The following VDAC1 variants were observed in gnomAD, a reference collection of about 807,000 sequenced individuals.
VDAC1 encodes the protein non-selective voltage-gated ion channel VDAC1.
A neutral mutation model predicts 34.7 loss-of-function variants in VDAC1; 10 were observed. That is an observed-to-expected ratio of 0.29 (90% confidence interval 0.18 to 0.49). The LOEUF (loss-of-function observed/expected upper bound fraction) is 0.49, where lower values mean the gene tolerates loss of function less well. Among genes scored for constraint, VDAC1 ranks in the 20% least tolerant of loss-of-function variants. VDAC1 has a pLI of 0.99. For missense variants in VDAC1, 230 were observed against 347.9 expected (o/e 0.66, Z 2.69); for synonymous variants, 130 against 136.0 (o/e 0.96, Z 0.30).
chr5:134,074,760 C>T, the VDAC1 span, among the ~76,000 whole-genome samples: 4 of 152,096 alleles, frequency 2.6e-5, no homozygotes, highest in African/African-American at 9.7e-5. Flanking sequence ...AAGAACAATG[C>T]TTACCCTGCC....
At chr5:134,012,323 G>A in the VDAC1 span, among the ~76,000 whole-genome samples, 1 of 152,184 alleles carries the variant, frequency 6.6e-6, no homozygotes, top group Non-Finnish European at 1.5e-5. Context: ...TGAGTCTGTG[G>A]TTCACAGTTA....
At chr5:134,083,709 A>T in the VDAC1 span, among the ~76,000 whole-genome samples, 202 of 152,362 alleles carry the variant, frequency 1.3e-3, 1 homozygote, top group East Asian at 0.022. Flanking sequence ...TACCAAAAGC[A>T]ACTATGTGCC....
the VDAC1 span, among the ~76,000 whole-genome samples, chr5:134,011,993 A>G: frequency 6.6e-6 from 1 of 152,072 alleles, no homozygotes; most frequent in South Asian, 2.1e-4. Context: ...AGGTGATTTA[A>G]TGACAGAAGC....
At chr5:134,066,320 C>T in the VDAC1 span, among the ~76,000 whole-genome samples, 1 of 152,084 alleles carries the variant, frequency 6.6e-6, no homozygotes, top group Non-Finnish European at 1.5e-5. Context: ...ATATTTTTGA[C>T]GTTTTACAGT....
the VDAC1 span, among the ~76,000 whole-genome samples, chr5:134,023,959 C>T: frequency 1.3e-5 from 2 of 149,970 alleles, no homozygotes; most frequent in Non-Finnish European, 3.0e-5. Context: ...ATGGCGAAAC[C>T]CCATCTCCAC....
the VDAC1 span, among the ~76,000 whole-genome samples, chr5:134,048,646 T>G: frequency 0.69 from 104,736 of 151,928 alleles, 36,825 homozygotes; most frequent in Admixed American, 0.78. Flanking sequence ...TGGGCCATAA[T>G]GAAACACCAC....
the VDAC1 span, among the ~76,000 whole-genome samples, chr5:134,081,130 CAG>C: frequency 6.6e-6 from 1 of 152,024 alleles, no homozygotes; most frequent in Non-Finnish European, 1.5e-5. Context: ...CTCTGCCTCC[CAG>C]GTTCAAGTGA....
chr5:134,038,566 C>G, the VDAC1 span, among the ~76,000 whole-genome samples: 1 of 152,088 alleles, frequency 6.6e-6, no homozygotes, highest in Non-Finnish European at 1.5e-5. Context: ...ATGTATGGGA[C>G]AGCATGGGGC....
At chr5:134,097,297 ATCTG>A in the VDAC1 span, among the ~76,000 whole-genome samples, 2 of 152,212 alleles carry the variant, frequency 1.3e-5, no homozygotes, top group Non-Finnish European at 2.9e-5. Flanking sequence ...TCACTAAATA[ATCTG>A]TCTAATTACA....
At chr5:134,090,230 A>C in the VDAC1 span, among the ~76,000 whole-genome samples, 1 of 152,096 alleles carries the variant, frequency 6.6e-6, no homozygotes, top group Non-Finnish European at 1.5e-5. Flanking sequence ...AGCTACTCTA[A>C]TTCTTCGTGG....
At chr5:134,071,072 G>A in the VDAC1 span, among the ~76,000 whole-genome samples, 3 of 152,314 alleles carry the variant, frequency 2.0e-5, no homozygotes, top group South Asian at 4.1e-4. This position sits in a 1 kb window ranked among gnomAD's most constrained non-coding sequence, Gnocchi z 4.1. Context: ...GTCCCGAGGG[G>A]TGACCAATCT....
At chr5:134,058,735 C>G in the VDAC1 span, among the ~76,000 whole-genome samples, 5 of 152,184 alleles carry the variant, frequency 3.3e-5, no homozygotes, top group African/African-American at 1.2e-4. Flanking sequence ...AAAGATGGAG[C>G]CTATCATTCC....
At chr5:134,055,409 T>TTTTG in the VDAC1 span, among the ~76,000 whole-genome samples, 2,133 of 151,748 alleles carry the variant, frequency 0.014, 51 homozygotes, top group African/African-American at 0.047. Flanking sequence ...CAAGTGCTTA[T>TTTTG]TTTGTTTGTT....
At chr5:134,085,359 C>A in the VDAC1 span, among the ~76,000 whole-genome samples, 1 of 151,958 alleles carries the variant, frequency 6.6e-6, no homozygotes, top group African/African-American at 2.4e-5. Flanking sequence ...TGAGCCACCG[C>A]GTGTGGCCCG....
chr5:134,010,969 C>CTT, the VDAC1 span, among the ~76,000 whole-genome samples: 135 of 144,210 alleles, frequency 9.4e-4, no homozygotes, highest in African/African-American at 1.6e-3. Flanking sequence ...CCCCCATTCC[C>CTT]TTTTTTTTTT....
At chr5:134,016,537 A>C in the VDAC1 span, among the ~76,000 whole-genome samples, 8 of 152,200 alleles carry the variant, frequency 5.3e-5, no homozygotes, top group Admixed American at 3.9e-4. Flanking sequence ...CCTCGAGCCG[A>C]AAATGGAGCT....
intron 5 of VDAC1, among the ~76,000 whole-genome samples, chr5:133,984,675 C>CCTGTAAT (rs1373255351): frequency 6.6e-6 from 1 of 152,164 alleles, no homozygotes. Context: ...GTGCCTCACA[C>CCTGTAAT]CTGTAATTCC....
chr5:134,027,442 C>G, the VDAC1 span, among the ~76,000 whole-genome samples: 3 of 152,180 alleles, frequency 2.0e-5, no homozygotes, highest in Non-Finnish European at 4.4e-5. Flanking sequence ...ACAGCCCCTC[C>G]CTGCCTTCCT....
chr5:134,092,473 C>T, the VDAC1 span, among the ~76,000 whole-genome samples: 1 of 152,068 alleles, frequency 6.6e-6, no homozygotes, highest in Non-Finnish European at 1.5e-5. Context: ...CGCTTTGTCC[C>T]TCATGTGCCG....
Sources: gnomAD v4.1 joint callset for allele counts (sites outside exome capture counted in the v4.1 genomes callset) on GRCh38, gnomAD v4.1.1 for gene constraint, Gnocchi (gnomAD v3.1) non-coding constraint, MANE v1.5 for transcripts, NCBI Gene and HGNC (gene_info 2026-07-23, HGNC 2026-07-21) for gene names.